ZNF609: variants seen among roughly 807,000 people sequenced by gnomAD.
The protein encoded by ZNF609 is zinc finger protein 609.
A neutral mutation model predicts 109.5 loss-of-function variants in ZNF609; 11 were observed. That is an observed-to-expected ratio of 0.10 (90% CI 0.06 to 0.17). The LOEUF is 0.17. Ranked by LOEUF, ZNF609 falls within the 10% of genes least tolerant of loss-of-function variation. The pLI, the probability that ZNF609 is intolerant of heterozygous loss-of-function variation, is 1.00. For missense variants in ZNF609, 1,559 were observed against 1,772.4 expected, an observed-to-expected ratio of 0.88 and a Z score of 2.16; for synonymous variants, 646 against 662.0, an observed-to-expected ratio of 0.98 and a Z score of 0.37.
chr15:64,504,643 T>G (rs1387530805), intron 2 of ZNF609, among the ~76,000 whole-genome samples: 10 of 151,706 alleles, frequency 6.6e-5, no homozygotes, highest in South Asian at 6.3e-4. Flanking sequence ...CTAGTTTTTT[T>G]TTTTTTTTTT....
At chr15:64,633,679 A>G (rs1429296542) in intron 3 of ZNF609, among the ~76,000 whole-genome samples, 1 of 152,170 alleles carries the variant, frequency 6.6e-6, no homozygotes, top group Non-Finnish European at 1.5e-5. Context: ...AACAGAGACC[A>G]TGTGGCCTGC....
intron 2 of ZNF609, among the ~76,000 whole-genome samples, chr15:64,546,636 C>A (rs926872568): frequency 6.6e-6 from 1 of 151,698 alleles, no homozygotes; most frequent in African/African-American, 2.4e-5. Context: ...CTATGCCCAG[C>A]TAATTTTTAA....
rs536129218 is a variant in ZNF609 at position 64,602,792 on chromosome 15, G to A, written c.748-20035G>A. 4.0e-4 allele frequency among the ~76,000 whole-genome samples: 54 copies of A among 135,080 alleles called. 1 individual carries two copies. The East Asian group carries it at 0.011, about 29-fold the overall frequency. The allele number at this position is 135,080 out of a possible 152,430, so 88.6% of individuals were successfully genotyped here. A position where few individuals can be genotyped will look rare whatever the true frequency, so the allele number is the denominator to read the frequency against. ...GGCTGGAGTGCAGTGGCGTGATCTC[G>A]GCTCACTGCAAGCTCTGCCTCCTGG... On this transcript the variant is annotated intron_variant, in intron 2 of 9. Coordinates refer to ENST00000326648, the MANE Select transcript of ZNF609 (RefSeq NM_015042.2).
At chr15:64,632,167 G>A (rs1057412870) in intron 3 of ZNF609, among the ~76,000 whole-genome samples, 2 of 151,776 alleles carry the variant, frequency 1.3e-5, no homozygotes, top group African/African-American at 2.4e-5. Flanking sequence ...ATCCTCCCAC[G>A]TCAGCCTCCC....
intron 2 of ZNF609, among the ~76,000 whole-genome samples, chr15:64,555,652 G>C (rs189497598): frequency 7.1e-4 from 108 of 152,026 alleles, no homozygotes; most frequent in Admixed American, 3.5e-3. Flanking sequence ...GGGAGGCCAA[G>C]GCGGGCAGAT....
chr15:64,679,051 CTTTATAGTG>C (rs886082306), intron 6 of ZNF609, among the ~76,000 whole-genome samples: 8 of 152,268 alleles, frequency 5.3e-5, no homozygotes, highest in African/African-American at 7.2e-5. Flanking sequence ...AAGACAAGCT[CTTTATAGTG>C]TTTAAATGTT....
chr15:64,475,285 C>A (rs2922096), intron 1 of ZNF609, among the ~76,000 whole-genome samples: 3 of 151,628 alleles, frequency 2.0e-5, no homozygotes, highest in Non-Finnish European at 4.4e-5. Flanking sequence ...TGAAGCCTTT[C>A]TTATCCCACT....
intron 3 of ZNF609, chr15:64,631,506 T>C: frequency 1.5e-6 from 1 of 680,500 alleles, no homozygotes; most frequent in Non-Finnish European, 2.7e-6. Flanking sequence ...CGCATATACA[T>C]GGCCAAAGAA....
intron 1 of ZNF609, among the ~76,000 whole-genome samples, chr15:64,484,082 T>G (rs1314235719): frequency 6.7e-6 from 1 of 150,364 alleles, no homozygotes; most frequent in Non-Finnish European, 1.5e-5. Context: ...TGACATTGCC[T>G]CCAAAGACCA....
chr15:64,530,258 C>A (rs926956270), intron 2 of ZNF609, among the ~76,000 whole-genome samples: 1 of 152,120 alleles, frequency 6.6e-6, no homozygotes, highest in Non-Finnish European at 1.5e-5. Context: ...TCAAGTGATC[C>A]GCTTGCCTCT....
intron 2 of ZNF609, among the ~76,000 whole-genome samples, chr15:64,518,138 T>C (rs1893840294): frequency 6.6e-6 from 1 of 152,126 alleles, no homozygotes; most frequent in African/African-American, 2.4e-5. Flanking sequence ...TAACAAACTT[T>C]GATGAGTAAT....
intron 1 of ZNF609, among the ~76,000 whole-genome samples, chr15:64,464,367 GTTAC>G (rs1892982691): frequency 6.6e-6 from 1 of 152,140 alleles, no homozygotes; most frequent in South Asian, 2.1e-4. Flanking sequence ...CCTCTTTGTA[GTTAC>G]TTCTTTTCCA....
chr15:64,652,107 G>A (rs954493768), intron 3 of ZNF609, among the ~76,000 whole-genome samples: 2 of 148,492 alleles, frequency 1.3e-5, no homozygotes, highest in South Asian at 2.2e-4. Flanking sequence ...TGGTGCAATC[G>A]CAGCTCACTG....
intron 2 of ZNF609, among the ~76,000 whole-genome samples, chr15:64,580,293 C>T (rs1895076553): frequency 6.6e-6 from 1 of 152,142 alleles, no homozygotes; most frequent in African/African-American, 2.4e-5. Context: ...CAGAGAGAAC[C>T]ATTTTAGACT....
Position 64,675,196 on chromosome 15 carries a change from A to G in ZNF609, c.2342A>G (p.His781Arg). The G allele has an allele frequency of 2.5e-6, 4 of 1,614,026 alleles. No homozygotes were observed. The highest frequency in any genetic ancestry group is 3.4e-6 in the Non-Finnish European group (4 of 1,180,034). ...CTCCTAAATGGCTCATCAGACCCCC[A>G]CCAAAGCCGACTGGCTAGCATCAAG... ...EGLLNGSSDPHQSRLASIKAE... is the reference protein window; with the variant it reads ...EGLLNGSSDPRQSRLASIKAE... Residue 781 changes from histidine to arginine, a missense_variant, in exon 5 of 10, where the codon CAC (histidine) becomes CGC (arginine). By Grantham distance (29) the His-to-Arg change is conservative (BLOSUM62 0). Around this residue, in one of 4 missense-constraint regions of ZNF609, gnomAD observed 1,204 missense variants for 1,314.1 expected, o/e 0.92. Transcript: ENST00000326648.
intron 2 of ZNF609, among the ~76,000 whole-genome samples, chr15:64,569,269 G>A (rs1374220380): frequency 6.6e-6 from 1 of 152,116 alleles, no homozygotes; most frequent in African/African-American, 2.4e-5. Flanking sequence ...TTTGTTATGG[G>A]CTTACTTTCT....
At chr15:64,604,385 C>A (rs144143291) in intron 2 of ZNF609, among the ~76,000 whole-genome samples, 1 of 152,076 alleles carries the variant, frequency 6.6e-6, no homozygotes, top group Admixed American at 6.6e-5. Context: ...TTTGAAAAAG[C>A]CTTTTATGAT....
chr15:64,510,943 T>C lies in ZNF609; in HGVS notation c.747+10777T>C, dbSNP rs962701677. Among the ~76,000 whole-genome samples, 7 of 152,040 alleles carry C rather than the reference T, an allele frequency of 4.6e-5. No homozygotes were observed. The East Asian group carries it at 1.3e-3, about 29-fold the overall frequency. On this transcript the variant is annotated intron_variant, in intron 2 of 9. Transcript: ENST00000326648. ...GGTAATGAGTTCTTTTTTATTTTTATATTTATCTTTTATTGTTTTATTTTA... is the reference window on the plus strand; with the variant it reads ...GGTAATGAGTTCTTTTTTATTTTTACATTTATCTTTTATTGTTTTATTTTA...
chr15:64,594,914 T>C (rs1434682981), intron 2 of ZNF609, among the ~76,000 whole-genome samples: 1 of 144,408 alleles, frequency 6.9e-6, no homozygotes, highest in Non-Finnish European at 1.5e-5. Context: ...TAGTCCCAGC[T>C]ACTCGGGAGG....
Sources: allele counts gnomAD v4.1 joint callset (sites outside exome capture counted in the v4.1 genomes callset), GRCh38; gene constraint gnomAD v4.1.1; regional missense constraint gnomAD v4.1.1; transcripts MANE v1.5; gene names NCBI Gene and HGNC (gene_info 2026-07-23, HGNC 2026-07-21).